Variants in TTC8 observed in about 807,000 individuals in gnomAD.
TTC8 encodes the protein tetratricopeptide repeat protein 8.
TTC8 carries 47 observed loss-of-function variants against 72.5 expected under a neutral mutation model. That is an observed-to-expected ratio of 0.65 (90% CI 0.51 to 0.83). The LOEUF (loss-of-function observed/expected upper bound fraction) is 0.83. Among genes scored for constraint, TTC8 ranks in the 40% least tolerant of loss-of-function variants. The pLI is 0.00. For missense variants in TTC8, 611 were observed against 623.2 expected (o/e 0.98, Z 0.21); for synonymous variants, 199 against 221.4 (o/e 0.90, Z 0.90).
intron 10 of TTC8, among the ~76,000 whole-genome samples, chr14:88,861,785 T>G (rs1340415618): frequency 6.6e-6 from 1 of 152,168 alleles, no homozygotes; most frequent in African/African-American, 2.4e-5. Context: ...TGACTTCCAT[T>G]TCCATTCATG....
At chr14:88,847,442 A>T (rs1223979966) in intron 7 of TTC8, among the ~76,000 whole-genome samples, 1 of 152,228 alleles carries the variant, frequency 6.6e-6, no homozygotes, top group African/African-American at 2.4e-5. Flanking sequence ...AACTATTGAG[A>T]ACTGGAGTCC....
At chr14:88,879,701 C>T (rs1456537261), downstream of TTC8, 1 of 144,842 alleles carries the variant, frequency 6.9e-6, no homozygotes, top group Non-Finnish European at 1.5e-5. Context: ...ATTATTATGA[C>T]AGTCTTGCTC....
intron 8 of TTC8, among the ~76,000 whole-genome samples, chr14:88,856,837 T>G (rs1566847780): frequency 6.6e-6 from 1 of 152,102 alleles, no homozygotes; most frequent in Admixed American, 6.5e-5. Context: ...TCCAGTAATA[T>G]GGAGACTCTA....
chr14:88,839,581 T>C lies in TTC8; in HGVS notation c.265+9T>C. ...TATAGCTCAAGTTCCACGTAAGTAT[T>C]GGGTTTTCAGTTAAGTTAATGAAAT... On this transcript the variant is annotated intron_variant, in intron 3 of 14. Coordinates refer to ENST00000380656, the MANE Select transcript of TTC8 (RefSeq NM_144596.4). The C allele has an allele frequency of 6.2e-7, 1 of 1,612,848 alleles. No homozygotes were observed. Among genetic ancestry groups the C allele is most frequent in the South Asian group, 1.1e-5 (1 of 91,052 alleles).
intron 7 of TTC8, among the ~76,000 whole-genome samples, chr14:88,845,414 T>C (rs1047140099): frequency 6.6e-6 from 1 of 152,300 alleles, no homozygotes; most frequent in East Asian, 1.9e-4. Flanking sequence ...TAAGTGGAGA[T>C]ACCATTGCAT....
chr14:88,857,461 A>G (rs1399648273), intron 9 of TTC8, among the ~76,000 whole-genome samples, 184 bp downstream of exon 9: 2 of 152,184 alleles, frequency 1.3e-5, no homozygotes, highest in African/African-American at 4.8e-5. Context: ...ACTGTCTCAT[A>G]AGAAATTGAT....
At chr14:88,824,562 T>A, upstream of TTC8, 1 of 629,366 alleles carries the variant, frequency 1.6e-6, no homozygotes, top group Admixed American at 2.8e-5. Flanking sequence ...TTTTTCTTTT[T>A]CCTGTTCTCA....
At chr14:88,830,594 A>G (rs2094720998) in intron 1 of TTC8, among the ~76,000 whole-genome samples, 1 of 152,224 alleles carries the variant, frequency 6.6e-6, no homozygotes, top group Non-Finnish European at 1.5e-5. Flanking sequence ...TGAGAAGGTA[A>G]TGTAGATTAT....
downstream of TTC8, chr14:88,878,395 T>G (rs1210533104): frequency 6.6e-6 from 1 of 152,228 alleles, no homozygotes; most frequent in Admixed American, 6.5e-5. Context: ...ACCTCCATGT[T>G]ATTTTTCATT....
rs554454615 is a variant in TTC8 at position 88,863,205 on chromosome 14, C to T, written c.909+1873C>T. On this transcript the variant is annotated intron_variant, in intron 10 of 14. Coordinates refer to ENST00000380656, the MANE Select transcript of TTC8 (RefSeq NM_144596.4). ...TCCAGAAAGATGGTGTGTTGAGGGT[C>T]CCCCAAACCACGCTGAGATTCAGTG... is the stretch of plus-strand genomic sequence containing the variant. Among the ~76,000 whole-genome samples the T allele has an allele frequency of 2.6e-5, 4 of 152,180 alleles. No individual in the cohort carries two copies. The East Asian group carries it at 7.7e-4, about 29-fold the overall frequency.
In TTC8 at chr14:88,836,456, A is replaced by G. The variant is rs541821073; in HGVS notation, c.144+2734A>G. On this transcript the variant is annotated intron_variant, in intron 2 of 14. Transcript: ENST00000380656. ...CTGGAGGTTGAGGCTGCACCACTAC[A>G]TTCCAGCCTGGGAGATAGAGTGAGA... is the stretch of plus-strand genomic sequence containing the variant. Among the ~76,000 whole-genome samples the G allele has an allele frequency of 3.3e-5, 5 of 151,062 alleles. No individual in the cohort carries two copies. The South Asian group carries it at 8.4e-4, about 25-fold the overall frequency.
intron 9 of TTC8, among the ~76,000 whole-genome samples, chr14:88,858,260 G>A (rs550811753): frequency 6.6e-6 from 1 of 152,178 alleles, no homozygotes; most frequent in South Asian, 2.1e-4. Flanking sequence ...ACCATGCCTG[G>A]CCAGAATTTT....
At position 88,824,810 on chromosome 14, in the gene TTC8, C is replaced by T. The variant is rs762461640; in HGVS notation, c.103C>T (p.Pro35Ser). The change falls in exon 1 of 15, where the codon CCT becomes TCT. Residue 35 changes from proline (P) to serine (S), a missense_variant. Coordinates refer to ENST00000380656, the MANE Select transcript of TTC8 (RefSeq NM_144596.4). ...DLCTQMLEKS[P>S]YDQEPDPELP... ...ATGCACGCAGATGCTGGAGAAGTCC[C>T]CTTATGACCAGGTACCGGCCAGCTC... is the stretch of plus-strand genomic sequence containing the variant. 3.7e-6 allele frequency: 6 copies of T among 1,613,180 alleles called. No individual in the cohort carries two copies. Among genetic ancestry groups the T allele is most frequent in the South Asian group, 1.1e-5 (1 of 90,848 alleles).
chr14:88,847,984 A>C (rs2094815480), intron 7 of TTC8, among the ~76,000 whole-genome samples: 1 of 151,894 alleles, frequency 6.6e-6, no homozygotes, highest in African/African-American at 2.4e-5. Flanking sequence ...TTAGCTAGGC[A>C]TAATGGCAGG....
intron 10 of TTC8, among the ~76,000 whole-genome samples, chr14:88,866,611 C>G (rs1027628354): frequency 1.3e-5 from 2 of 152,216 alleles, no homozygotes; most frequent in Admixed American, 1.3e-4. Flanking sequence ...ATACCGCCCC[C>G]CTTTTGTACT....
At chr14:88,826,275 A>T (rs968666975) in intron 1 of TTC8, among the ~76,000 whole-genome samples, 6 of 151,772 alleles carry the variant, frequency 4.0e-5, no homozygotes, top group African/African-American at 1.5e-4. Flanking sequence ...GGCATGAGCC[A>T]CCGCGCCCAG....
At chr14:88,872,174 C>A (rs1202917567) in intron 12 of TTC8, among the ~76,000 whole-genome samples, 156 bp from the exon 13 acceptor site, 1 of 152,158 alleles carries the variant, frequency 6.6e-6, no homozygotes, top group Non-Finnish European at 1.5e-5. Flanking sequence ...ATTTTATATT[C>A]TTAGGTTAAA....
chr14:88,852,376 C>T (rs1566844949), intron 7 of TTC8, among the ~76,000 whole-genome samples: 1 of 152,122 alleles, frequency 6.6e-6, no homozygotes, highest in African/African-American at 2.4e-5. Context: ...CAGTTTGTGG[C>T]AAAGGGCAGT....
intron 1 of TTC8, among the ~76,000 whole-genome samples, chr14:88,829,157 C>A (rs1301598975): frequency 6.6e-6 from 1 of 152,062 alleles, no homozygotes; most frequent in East Asian, 1.9e-4. Context: ...TATTAAAGTT[C>A]AGATCTGTTA....
Sources: gnomAD v4.1 joint callset for allele counts (sites outside exome capture counted in the v4.1 genomes callset) on GRCh38, gnomAD v4.1.1 for gene constraint, MANE v1.5 for transcripts, NCBI Gene and HGNC (gene_info 2026-07-23, HGNC 2026-07-21) for gene names.